SNX29: variants seen among roughly 807,000 people sequenced by gnomAD.
SNX29 encodes sorting nexin 29.
SNX29 carries 78 observed loss-of-function variants against 102.1 expected under a neutral mutation model. That is an observed-to-expected ratio of 0.76 (90% CI 0.64 to 0.92). The LOEUF is 0.92. SNX29 is among the 40% of genes least tolerant of loss of function. The pLI is 0.00. For synonymous variants in SNX29, 580 were observed against 414.5 expected (o/e 1.40, Z -4.85); for missense variants, 1,280 against 1,061.7 (o/e 1.21, Z -2.86).
At chr16:12,037,557 G>A (rs2057510785) in intron 4 of SNX29, among the ~76,000 whole-genome samples, 1 of 152,108 alleles carries the variant, frequency 6.6e-6, no homozygotes, top group Non-Finnish European at 1.5e-5. Flanking sequence ...TGCCTGCCCT[G>A]GGTTAGCTGT....
intron 18 of SNX29, among the ~76,000 whole-genome samples, chr16:12,457,317 C>G (rs1274730259): frequency 2.0e-5 from 3 of 152,166 alleles, no homozygotes; most frequent in African/African-American, 7.2e-5. Context: ...CCAGGGTTGT[C>G]CAGCTGGCAG....
intron 15 of SNX29, among the ~76,000 whole-genome samples, chr16:12,350,796 C>G (rs771128610): frequency 1.3e-5 from 2 of 152,182 alleles, no homozygotes; most frequent in African/African-American, 2.4e-5. Flanking sequence ...TTAAAAAGTA[C>G]TTCTTTGAGG....
chr16:11,985,993 TG>T (rs1376628340), intron 1 of SNX29, among the ~76,000 whole-genome samples: 6 of 151,918 alleles, frequency 3.9e-5, no homozygotes, highest in Admixed American at 6.6e-5. Flanking sequence ...TTCGTAGAGA[TG>T]GGGTTTCACC....
intron 15 of SNX29, among the ~76,000 whole-genome samples, chr16:12,324,316 A>G (rs1413604849): frequency 2.0e-5 from 3 of 152,164 alleles, no homozygotes; most frequent in African/African-American, 7.2e-5. Flanking sequence ...ATAATGAGGC[A>G]TGAAGTCCCA....
At chr16:12,502,943 C>T (rs2089195460) in intron 19 of SNX29, among the ~76,000 whole-genome samples, 1 of 152,208 alleles carries the variant, frequency 6.6e-6, no homozygotes, top group Non-Finnish European at 1.5e-5. Flanking sequence ...CAAAGAAGCA[C>T]TCACGTTGCT....
chr16:12,330,759 G>C (rs775921852), intron 15 of SNX29, among the ~76,000 whole-genome samples: 2 of 152,186 alleles, frequency 1.3e-5, no homozygotes, highest in Non-Finnish European at 2.9e-5. Flanking sequence ...AATCACTTCA[G>C]ATATTTTTAG....
intron 15 of SNX29, among the ~76,000 whole-genome samples, chr16:12,280,844 G>A (rs2151023318): frequency 6.6e-6 from 1 of 152,292 alleles, no homozygotes; most frequent in South Asian, 2.1e-4. Context: ...ACGAATGTGA[G>A]GGGAAAAGTT....
At chr16:12,525,611 G>T (rs1377002290) in intron 20 of SNX29, among the ~76,000 whole-genome samples, 1 of 151,572 alleles carries the variant, frequency 6.6e-6, no homozygotes, top group East Asian at 1.9e-4. Context: ...AGAATCACTT[G>T]AACCCAGGAG....
intron 19 of SNX29, among the ~76,000 whole-genome samples, chr16:12,502,575 A>G (rs1235139441): frequency 6.6e-6 from 1 of 152,138 alleles, no homozygotes; most frequent in African/African-American, 2.4e-5. Flanking sequence ...ACAGATAGGG[A>G]AACTGAGGTT....
At chr16:12,303,823 C>T (rs997312113) in intron 15 of SNX29, among the ~76,000 whole-genome samples, 3 of 152,174 alleles carry the variant, frequency 2.0e-5, no homozygotes, top group Admixed American at 6.5e-5. Context: ...CACATAGCAG[C>T]GGTTCACTGG....
intron 8 of SNX29, among the ~76,000 whole-genome samples, chr16:12,057,158 G>A (rs779515366): frequency 8.5e-5 from 13 of 152,188 alleles, no homozygotes; most frequent in South Asian, 2.1e-4. Context: ...CTATGATACC[G>A]GTAGGGAAGT....
In SNX29 at chr16:12,083,791, C is replaced by A. The variant is rs936825915; in HGVS notation, c.1402+4876C>A. Among the ~76,000 whole-genome samples, 74 of 152,336 alleles carry A rather than the reference C, an allele frequency of 4.9e-4. 1 individual carries two copies. The highest frequency in any genetic ancestry group is 3.3e-3 in the Admixed American group (50 of 15,300). ...AGAGGAGCTTGGCAAAGAAACTCAT[C>A]AGCTCTGCCCCACAAAGCAGCGAAT... is the stretch of plus-strand genomic sequence containing the variant. On this transcript the variant is annotated intron_variant, in intron 11 of 20. Transcript: ENST00000566228.
At chr16:12,250,100 G>C (rs2078377678) in intron 14 of SNX29, among the ~76,000 whole-genome samples, 1 of 152,202 alleles carries the variant, frequency 6.6e-6, no homozygotes, top group South Asian at 2.1e-4. Context: ...GGCAGGGAGA[G>C]CTTCCTGCAG....
intron 20 of SNX29, among the ~76,000 whole-genome samples, chr16:12,565,835 C>G (rs769559393): frequency 2.0e-5 from 3 of 152,206 alleles, no homozygotes; most frequent in Non-Finnish European, 4.4e-5. Flanking sequence ...ACCCTCCACA[C>G]CTCTGCCTCC....
rs1229480545 is a variant in SNX29, at chr16:12,356,147, CG to C, written c.1783-15del. 2.5e-6 allele frequency: 4 copies of C among 1,607,268 alleles called. No individual in the cohort carries two copies. Among genetic ancestry groups the C allele is most frequent in the Non-Finnish European group, 3.4e-6 (4 of 1,177,224 alleles). On this transcript the variant is annotated splice_polypyrimidine_tract_variant and intron_variant, in intron 15 of 20. Transcript: ENST00000566228. ...TGTCTGCCTCTAAGCCTCACCTTTCCGTGCTTGTGTTCCAGGTGGCAGAGAT... is the reference window on the plus strand; with the variant it reads ...TGTCTGCCTCTAAGCCTCACCTTTCCTGCTTGTGTTCCAGGTGGCAGAGAT...
chr16:12,402,861 C>G (rs535288683), intron 17 of SNX29, among the ~76,000 whole-genome samples: 16 of 152,256 alleles, frequency 1.1e-4, no homozygotes, highest in African/African-American at 3.9e-4. Context: ...GGTTTTCTAA[C>G]TTGTCATTTT....
intron 14 of SNX29, among the ~76,000 whole-genome samples, chr16:12,252,584 C>G (rs907324227): frequency 6.6e-6 from 1 of 152,232 alleles, no homozygotes; most frequent in South Asian, 2.1e-4. Flanking sequence ...GGCTTTGCCT[C>G]CCTGAACGTG....
chr16:12,362,708 T>G (rs931565777), intron 16 of SNX29, among the ~76,000 whole-genome samples: 4 of 151,836 alleles, frequency 2.6e-5, no homozygotes, highest in African/African-American at 9.7e-5. Context: ...GCTCAACGCT[T>G]CCTCAGGAAT....
chr16:12,526,614 C>T (rs553542395), intron 20 of SNX29: 4 of 532,784 alleles, frequency 7.5e-6, no homozygotes, highest in African/African-American at 1.9e-5. Context: ...ATCCTCTTAG[C>T]GGCATCCCCA....
Sources: allele counts gnomAD v4.1 joint callset (sites outside exome capture counted in the v4.1 genomes callset), GRCh38; gene constraint gnomAD v4.1.1; transcripts MANE v1.5; gene names NCBI Gene and HGNC (gene_info 2026-07-23, HGNC 2026-07-21).